Variants in CDK8 observed in about 807,000 individuals in gnomAD.
The protein encoded by CDK8 is cyclin-dependent kinase 8.
Under a neutral mutation model 71.5 loss-of-function variants are expected in CDK8, and 29 were observed. The observed-to-expected ratio is 0.41, with a 90% CI of 0.30 to 0.55. The LOEUF is 0.55. Ranked by LOEUF, CDK8 falls within the 20% of genes least tolerant of loss-of-function variation. The pLI is 0.37. For missense variants in CDK8, 288 were observed against 572.6 expected, an observed-to-expected ratio of 0.50 and a Z score of 5.07; for synonymous variants, 161 against 192.1, an observed-to-expected ratio of 0.84 and a Z score of 1.34.
intron 3 of CDK8, among the ~76,000 whole-genome samples, chr13:26,349,828 T>C (rs1257224695): frequency 1.3e-5 from 2 of 152,242 alleles, no homozygotes. Flanking sequence ...CTAATTCTTA[T>C]TTTCAGTGGC....
intron 1 of CDK8, among the ~76,000 whole-genome samples, chr13:26,333,084 C>T (rs1264068294): frequency 6.6e-6 from 1 of 152,022 alleles, no homozygotes; most frequent in African/African-American, 2.4e-5. Flanking sequence ...TCTGGTGATG[C>T]TACTGTGCTG....
chr13:26,387,283 G>A (rs1451403651), intron 6 of CDK8, among the ~76,000 whole-genome samples: 1 of 152,126 alleles, frequency 6.6e-6, no homozygotes, highest in African/African-American at 2.4e-5. Context: ...TTCATTGTAT[G>A]TTTTGATCTC....
intron 4 of CDK8, among the ~76,000 whole-genome samples, chr13:26,364,768 A>G (rs181717600): frequency 9.2e-5 from 14 of 152,338 alleles, no homozygotes; most frequent in Admixed American, 7.8e-4. Flanking sequence ...TAAAATAGCC[A>G]TATATACACT....
rs556592303 is a variant in CDK8, at chr13:26,360,625, G to GTAAAACTCC, written c.456+6746_456+6747insAAAACTCCT. On this transcript the variant is annotated intron_variant, in intron 4 of 12. Coordinates refer to ENST00000381527, the MANE Select transcript of CDK8 (RefSeq NM_001260.3). ...TTATAAACTCCTGAGGGCAAAGACT[G>GTAAAACTCC]TGTCTTACTCTGTGTTTGTATGCCT... Among the ~76,000 whole-genome samples, 48 of 152,252 alleles carry GTAAAACTCC rather than the reference G, an allele frequency of 3.2e-4. 1 individual carries two copies. The South Asian group carries it at 8.9e-3, about 28-fold the overall frequency.
intron 1 of CDK8, among the ~76,000 whole-genome samples, chr13:26,329,807 TA>T (rs1875223576): frequency 6.6e-6 from 1 of 152,130 alleles, no homozygotes; most frequent in Admixed American, 6.5e-5. Context: ...CCCGGCCGCC[TA>T]TTTCTAAAAT....
At position 26,254,979 on chromosome 13, in the gene CDK8, T is replaced by C. The variant is rs1871454248; in HGVS notation, c.128+210T>C. ...CCTGCGTGCCGCGTCTGTGTTCTGC[T>C]CTGGTGGTAAGAGGCAAGATGAGCC... On this transcript the variant is annotated intron_variant, in intron 1 of 12. Coordinates refer to ENST00000381527, the MANE Select transcript of CDK8 (RefSeq NM_001260.3). This position sits in a 1 kb window ranked among gnomAD's most constrained non-coding sequence, Gnocchi z 6.7. Among the ~76,000 whole-genome samples, 1 of 152,222 alleles carries C rather than the reference T, an allele frequency of 6.6e-6. No homozygotes were observed. The highest frequency in any genetic ancestry group is 1.5e-5 in the Non-Finnish European group (1 of 68,044).
chr13:26,393,905 C>T (rs1266198030), intron 7 of CDK8, among the ~76,000 whole-genome samples: 1 of 152,072 alleles, frequency 6.6e-6, no homozygotes, highest in Non-Finnish European at 1.5e-5. Flanking sequence ...CACTATTTGG[C>T]ATTCAAATAT....
Position 26,400,509 on chromosome 13 carries a change from G to A in CDK8, c.990G>A (p.Met330Ile), listed in dbSNP as rs1876205826. 5 of 1,613,362 alleles carry A rather than the reference G, an allele frequency of 3.1e-6. No individual in the cohort carries two copies. The highest frequency in any genetic ancestry group is 2.2e-5 in the East Asian group (1 of 44,830). Reference sequence around the variant, plus strand: ...AGCGAATTACCTCAGAACAGGCTATGCAGGACCCCTATTTCTTAGAAGACC... The same window carrying A: ...AGCGAATTACCTCAGAACAGGCTATACAGGACCCCTATTTCTTAGAAGACC... ...PIKRITSEQA[M>I]QDPYFLEDPL... Residue 330 changes from methionine to isoleucine, a missense_variant, in exon 10 of 13, where the codon ATG becomes ATA. Physicochemically the swap from Met to Ile is conservative, Grantham distance 10. Coordinates refer to ENST00000381527, the MANE Select transcript of CDK8 (RefSeq NM_001260.3).
At chr13:26,347,491 T>G (rs1361966928) in intron 2 of CDK8, among the ~76,000 whole-genome samples, 1 of 152,202 alleles carries the variant, frequency 6.6e-6, no homozygotes. Flanking sequence ...TGTCAAAGCC[T>G]AGACAACTTG....
chr13:26,263,845 C>T (rs972535666), intron 1 of CDK8, among the ~76,000 whole-genome samples: 18 of 151,144 alleles, frequency 1.2e-4, no homozygotes, highest in Admixed American at 1.2e-3. Context: ...CTCCTGGGTT[C>T]ACGCCATTCT....
chr13:26,272,335 T>G (rs1287621327), intron 1 of CDK8, among the ~76,000 whole-genome samples: 1 of 152,124 alleles, frequency 6.6e-6, no homozygotes, highest in African/African-American at 2.4e-5. Context: ...AAAGTTTTTA[T>G]TTTTTGCTTT....
chr13:26,380,984 T>C lies in CDK8; in HGVS notation c.457-1830T>C, dbSNP rs186326020. ...CTAGTCTTCTTGGAATAATTTTCCG[T>C]GTGGAAGGTTCTAAGCAAGAGAGTA... On this transcript the variant is annotated intron_variant, in intron 4 of 12. Coordinates refer to ENST00000381527, the MANE Select transcript of CDK8 (RefSeq NM_001260.3). Among the ~76,000 whole-genome samples the C allele has an allele frequency of 9.2e-5, 14 of 152,296 alleles. No homozygotes were observed. The East Asian group carries it at 2.7e-3, about 29-fold the overall frequency.
chr13:26,291,051 A>C (rs1873272110), intron 1 of CDK8, among the ~76,000 whole-genome samples: 1 of 151,418 alleles, frequency 6.6e-6, no homozygotes, highest in East Asian at 2.0e-4. Flanking sequence ...CCCAGGAGGC[A>C]GAGGTTGCAG....
chr13:26,295,792 A>G (rs1873528604), intron 1 of CDK8, among the ~76,000 whole-genome samples: 1 of 152,210 alleles, frequency 6.6e-6, no homozygotes, highest in Non-Finnish European at 1.5e-5. Context: ...AAGCATTAAC[A>G]TCTGAGAATA....
At chr13:26,392,326 T>C (rs1380105026) in intron 6 of CDK8, among the ~76,000 whole-genome samples, 1 of 41,386 alleles carries the variant, frequency 2.4e-5, no homozygotes, top group Non-Finnish European at 6.2e-5. Flanking sequence ...TTATAACCCT[T>C]TTTTTTTTTT....
intron 6 of CDK8, among the ~76,000 whole-genome samples, chr13:26,388,745 T>C (rs1257040857): frequency 1.3e-5 from 2 of 152,226 alleles, no homozygotes; most frequent in Non-Finnish European, 2.9e-5. Context: ...GCAGTTCTAA[T>C]GCAGGGAGTG....
chr13:26,290,098 G>A (rs1566473757), intron 1 of CDK8, among the ~76,000 whole-genome samples: 4 of 152,044 alleles, frequency 2.6e-5, no homozygotes, highest in South Asian at 2.1e-4. Context: ...ATTTCTTACA[G>A]CAAAATTAAA....
rs116978813 is a variant in CDK8, at chr13:26,343,192, G to A, written c.204+5550G>A. 6.1e-3 allele frequency among the ~76,000 whole-genome samples: 929 copies of A among 152,202 alleles called. 4 individuals are homozygous for A. The highest frequency in any genetic ancestry group is 0.017 in the Middle Eastern group (5 of 294). ...TAGGCGATCTCATTGTTCTGCCATCGCAGAGTGTACTTACACTAACCCAGA... is the reference window on the plus strand; with the variant it reads ...TAGGCGATCTCATTGTTCTGCCATCACAGAGTGTACTTACACTAACCCAGA... On this transcript the variant is annotated intron_variant, in intron 2 of 12. Coordinates refer to ENST00000381527, the MANE Select transcript of CDK8 (RefSeq NM_001260.3).
At chr13:26,396,458 C>CT in intron 8 of CDK8, 104 bp downstream of exon 8, 1 of 391,164 alleles carries the variant, frequency 2.6e-6, no homozygotes, top group East Asian at 3.9e-5. Flanking sequence ...TAAGATTACT[C>CT]TAATAAATAA....
Sources: gnomAD v4.1 joint callset for allele counts (sites outside exome capture counted in the v4.1 genomes callset) on GRCh38, gnomAD v4.1.1 for gene constraint, Gnocchi (gnomAD v3.1) non-coding constraint, MANE v1.5 for transcripts, NCBI Gene and HGNC (gene_info 2026-07-23, HGNC 2026-07-21) for gene names.